Variants in EXTL3 observed in about 807,000 individuals in gnomAD.
EXTL3 encodes exostosin-like 3.
Under a neutral mutation model 69.3 loss-of-function variants are expected in EXTL3, and 27 were observed. That is an observed-to-expected ratio of 0.39 (90% CI 0.29 to 0.54). The LOEUF (loss-of-function observed/expected upper bound fraction) is 0.54. Ranked by LOEUF, EXTL3 falls within the 20% of genes least tolerant of loss-of-function variation. EXTL3 has a pLI of 0.69. For missense variants in EXTL3, 1,003 were observed against 1,231.8 expected (o/e 0.81, Z 2.78); for synonymous variants, 511 against 499.4 (o/e 1.02, Z -0.31).
intron 3 of EXTL3, among the ~76,000 whole-genome samples, chr8:28,720,022 A>C (rs1354854937): frequency 3.9e-5 from 6 of 152,318 alleles, no homozygotes; most frequent in African/African-American, 1.4e-4. Context: ...TCATATTAGC[A>C]ATACAAGTTT....
At chr8:28,615,466 C>G (rs1585214847) in intron 2 of EXTL3, among the ~76,000 whole-genome samples, 1 of 152,180 alleles carries the variant, frequency 6.6e-6, no homozygotes, top group Non-Finnish European at 1.5e-5. Context: ...TTGATGTCTT[C>G]CTGGAGAATT....
Position 28,640,542 on chromosome 8 carries a change from G to A in EXTL3, c.-53+17732G>A, listed in dbSNP as rs187542456. Among the ~76,000 whole-genome samples the A allele has an allele frequency of 3.9e-5, 6 of 152,292 alleles. No individual in the cohort carries two copies. The East Asian group carries it at 1.2e-3, about 29-fold the overall frequency. Reference sequence around the variant, plus strand: ...CCATAAACTCAAACTCAGAGCCCCCGACTTTCAGTCCAGGGCTTCACCATG... The same window carrying A: ...CCATAAACTCAAACTCAGAGCCCCCAACTTTCAGTCCAGGGCTTCACCATG... On this transcript the variant is annotated intron_variant, in intron 1 of 6. Transcript: ENST00000523149.
At chr8:28,721,094 G>A (rs1292224202) in intron 3 of EXTL3, among the ~76,000 whole-genome samples, 1 of 152,104 alleles carries the variant, frequency 6.6e-6, no homozygotes, top group African/African-American at 2.4e-5. Flanking sequence ...TTTGTATTTG[G>A]TTTTCAGCAG....
chr8:28,614,551 G>A (rs1212087104), intron 2 of EXTL3, among the ~76,000 whole-genome samples: 1 of 151,974 alleles, frequency 6.6e-6, no homozygotes, highest in Non-Finnish European at 1.5e-5. Context: ...TGGGATTACA[G>A]GTGTGAGGAC....
intron 4 of EXTL3, among the ~76,000 whole-genome samples, chr8:28,736,479 C>T (rs1801654163): frequency 6.6e-6 from 1 of 152,158 alleles, no homozygotes; most frequent in South Asian, 2.1e-4. Flanking sequence ...TCTAATTTAC[C>T]TATAAATTTG....
chr8:28,653,862 T>A (rs1806964902), intron 1 of EXTL3, among the ~76,000 whole-genome samples: 1 of 152,196 alleles, frequency 6.6e-6, no homozygotes, highest in African/African-American at 2.4e-5. Flanking sequence ...TATTTTTGGC[T>A]ATTTTGAGTC....
intron 1 of EXTL3, among the ~76,000 whole-genome samples, chr8:28,647,178 C>T (rs1335821257): frequency 6.6e-6 from 1 of 151,270 alleles, no homozygotes; most frequent in Non-Finnish European, 1.5e-5. Flanking sequence ...GATCTCGGCT[C>T]ACTACAACCT....
At position 28,750,825 on chromosome 8, in the gene EXTL3, C is replaced by T. The variant is rs1256631842; in HGVS notation, c.2719C>T (p.Arg907Cys). The change falls in exon 7 of 7, where the codon CGC (arginine) becomes TGC (cysteine). Residue 907 changes from arginine to cysteine, a missense_variant. Coordinates refer to ENST00000220562, the MANE Select transcript of EXTL3 (RefSeq NM_001440.4). The surrounding 1 kb of genome is among the most constrained non-coding windows in gnomAD (Gnocchi z 5.2). ...FRVDSVLFKT[R>C]LPHDKTKCFK... The stretch of plus-strand genomic sequence containing the variant: ...GGTGGATTCTGTGCTCTTCAAGACA[C>T]GCCTGCCCCATGACAAGACCAAGTG... 3 of 1,614,166 alleles carry T rather than the reference C, an allele frequency of 1.9e-6. No homozygotes were observed. The highest frequency in any genetic ancestry group is 1.7e-6 in the Non-Finnish European group (2 of 1,180,030).
At chr8:28,655,453 A>C (rs560361836) in intron 1 of EXTL3, among the ~76,000 whole-genome samples, 11 of 150,640 alleles carry the variant, frequency 7.3e-5, no homozygotes, top group African/African-American at 2.4e-4. Flanking sequence ...TGATTTTCCT[A>C]GTCTTCTTTA....
chr8:28,712,517 TAAA>T (rs987782344), intron 1 of EXTL3, among the ~76,000 whole-genome samples: 11 of 152,222 alleles, frequency 7.2e-5, no homozygotes, highest in African/African-American at 2.6e-4. Context: ...GTATATGGAA[TAAA>T]AAAAATCTGA....
intron 1 of EXTL3, among the ~76,000 whole-genome samples, chr8:28,636,640 G>A (rs1017636440): frequency 2.0e-5 from 3 of 152,056 alleles, no homozygotes; most frequent in Non-Finnish European, 2.9e-5. Context: ...GAATCCTTTC[G>A]GCCACTTTGG....
chr8:28,674,364 T>C (rs1303936338), intron 1 of EXTL3, among the ~76,000 whole-genome samples: 1 of 152,176 alleles, frequency 6.6e-6, no homozygotes. Context: ...TGAGCCACCA[T>C]GCCTGGCTTA....
At chr8:28,671,295 ATGTTTTGTTTTT>A (rs1456853248) in intron 1 of EXTL3, among the ~76,000 whole-genome samples, 7 of 87,828 alleles carry the variant, frequency 8.0e-5, no homozygotes, top group African/African-American at 2.6e-4. Flanking sequence ...TTTTATTTTT[ATGTTTTGTTTTT>A]TGTTTTTTTT....
chr8:28,638,981 A>T (rs961325245), intron 1 of EXTL3, among the ~76,000 whole-genome samples: 1 of 138,336 alleles, frequency 7.2e-6, no homozygotes, highest in African/African-American at 2.8e-5. Flanking sequence ...TGTGTCACCC[A>T]GGCTGCAGTG....
At position 28,623,361 on chromosome 8, in the gene EXTL3, T is replaced by C. The variant is rs1806443878; in HGVS notation, c.-53+551T>C. Among the ~76,000 whole-genome samples, 1 of 152,206 alleles carries C rather than the reference T, an allele frequency of 6.6e-6. No individual in the cohort carries two copies. The highest frequency in any genetic ancestry group is 1.5e-5 in the Non-Finnish European group (1 of 68,032). On this transcript the variant is annotated intron_variant, in intron 1 of 6. Transcript: ENST00000523149. This position sits in a 1 kb window ranked among gnomAD's most constrained non-coding sequence, Gnocchi z 4.2. ...AGAATGCGGACCCCAAAGCCAGCCG[T>C]ACCTGCGAGCCCCTCAGCACAGCTG... is the stretch of plus-strand genomic sequence containing the variant.
intron 1 of EXTL3, among the ~76,000 whole-genome samples, chr8:28,635,983 G>T (rs1190352796): frequency 6.6e-6 from 1 of 152,066 alleles, no homozygotes; most frequent in African/African-American, 2.4e-5. Context: ...GTCTCTCAAA[G>T]TGCTGGCATT....
intron 1 of EXTL3, among the ~76,000 whole-genome samples, chr8:28,704,412 A>G (rs1254976892): frequency 6.6e-6 from 1 of 152,222 alleles, no homozygotes; most frequent in Non-Finnish European, 1.5e-5. Flanking sequence ...TTTATCTACA[A>G]AAGCAGGCAG....
intron 1 of EXTL3, among the ~76,000 whole-genome samples, chr8:28,656,773 A>G (rs1807017211): frequency 6.6e-6 from 1 of 152,208 alleles, no homozygotes; most frequent in Non-Finnish European, 1.5e-5. Flanking sequence ...CAAATAGTTT[A>G]AATATTTGCT....
At chr8:28,708,585 TG>T (rs1378606556) in intron 1 of EXTL3, among the ~76,000 whole-genome samples, 1 of 152,200 alleles carries the variant, frequency 6.6e-6, no homozygotes, top group Non-Finnish European at 1.5e-5. Context: ...CAGGAAATGA[TG>T]TTTTTTTGGG....
Sources: allele counts gnomAD v4.1 joint callset (sites outside exome capture counted in the v4.1 genomes callset), GRCh38; gene constraint gnomAD v4.1.1; non-coding constraint Gnocchi (gnomAD v3.1); transcripts MANE v1.5; gene names NCBI Gene and HGNC (gene_info 2026-07-23, HGNC 2026-07-21).